ADA2: variants seen among roughly 807,000 people sequenced by gnomAD.
The protein encoded by ADA2 is adenosine deaminase 2, also known as adenosine deaminase CECR1.
In ADA2, 29 loss-of-function variants were observed where a neutral mutation model predicts 44.2. The ratio of observed to expected loss-of-function variants is 0.66; its 90% CI spans 0.49 to 0.89. The LOEUF is 0.89. ADA2 is among the 40% of genes least tolerant of loss of function. ADA2 has a pLI of 0.00. For synonymous variants in ADA2, 215 were observed against 234.9 expected, an observed-to-expected ratio of 0.92 and a Z score of 0.77; for missense variants, 637 against 644.8, an observed-to-expected ratio of 0.99 and a Z score of 0.13.
intron 8 of ADA2, 84 bp from the exon 9 acceptor site, chr22:17,182,106 T>A (rs2061977855): frequency 9.7e-7 from 1 of 1,028,280 alleles, no homozygotes; most frequent in South Asian, 1.5e-5. Flanking sequence ...TTGAGCCCCA[T>A]CAGCTCCCTT....
At chr22:17,217,285 A>G (rs1447579791) in intron 1 of ADA2, among the ~76,000 whole-genome samples, 1 of 152,218 alleles carries the variant, frequency 6.6e-6, no homozygotes, top group Non-Finnish European at 1.5e-5. Flanking sequence ...GGAATACAAG[A>G]AATTGCCCCA....
At chr22:17,193,754 A>G (rs1170780971) in intron 4 of ADA2, among the ~76,000 whole-genome samples, 1 of 151,600 alleles carries the variant, frequency 6.6e-6, no homozygotes, top group Non-Finnish European at 1.5e-5. Context: ...TAATATGGAG[A>G]TGTCGATTAC....
chr22:17,216,518 G>C (rs2062473455), intron 1 of ADA2, among the ~76,000 whole-genome samples: 2 of 152,086 alleles, frequency 1.3e-5, no homozygotes, highest in African/African-American at 4.8e-5. Flanking sequence ...TGTAATCCCA[G>C]CACTTAGGGA....
intron 4 of ADA2, among the ~76,000 whole-genome samples, chr22:17,200,233 G>A (rs1436191634): frequency 6.6e-6 from 1 of 152,128 alleles, no homozygotes; most frequent in Non-Finnish European, 1.5e-5. Flanking sequence ...GCTCTGGGAA[G>A]TGCAGTTTCT....
At chr22:17,216,577 C>T (rs769602004) in intron 1 of ADA2, among the ~76,000 whole-genome samples, 3 of 151,922 alleles carry the variant, frequency 2.0e-5, no homozygotes, top group Non-Finnish European at 4.4e-5. Context: ...CCAGCCTGGC[C>T]AACATGGCAA....
At chr22:17,199,442 C>CCCCTCCCTCCCCTCCTCAATCCTCTTA in intron 4 of ADA2, 1 of 1,022,720 alleles carries the variant, frequency 9.8e-7, no homozygotes, top group Non-Finnish European at 1.5e-6. Flanking sequence ...CTATCCTCTT[C>CCCCTCCCTCCCCTCCTCAATCCTCTTA]CCCTCCACCC....
At position 17,195,784 on chromosome 22, in the gene ADA2, G is replaced by A. The variant is rs753294986; in HGVS notation, c.754-3974C>T. On this transcript the variant is annotated intron_variant, in intron 4 of 9. Transcript: ENST00000399837. Reference sequence around the variant, plus strand: ...TCCTTTTTTTTTTTTTTTTTGAGACGGAGTCTCGCTCTGTCACCCAGGCTG... The same window carrying A: ...TCCTTTTTTTTTTTTTTTTTGAGACAGAGTCTCGCTCTGTCACCCAGGCTG... 5.6e-5 allele frequency among the ~76,000 whole-genome samples: 8 copies of A among 141,868 alleles called. No homozygotes were observed. In the South Asian group the frequency reaches 1.1e-3, roughly 20 times the overall value. 93.1% of individuals were successfully genotyped at this position (141,868 alleles called of 152,430 possible).
At position 17,181,862 on chromosome 22, in the gene ADA2, G is replaced by C; in HGVS notation, c.1400C>G (p.Ala467Gly). ...EVFMGIGGMK[A>G]DLRTLKQLAM... is the part of the protein sequence containing the mutation. ...CAGCTGTTTGAGGGTCCTCAGGTCA[G>C]CCTTCATCCCCCCAATGCCCATGAA... The change falls in exon 9 of 10, where the codon GCT becomes GGT. Residue 467 changes from alanine (A) to glycine (G), a missense_variant. Coordinates refer to ENST00000399837, the MANE Select transcript of ADA2 (RefSeq NM_001282225.2). 6.2e-7 allele frequency: 1 copy of C among 1,614,078 alleles called. No homozygotes were observed. Among genetic ancestry groups the C allele is most frequent in the Non-Finnish European group, 8.5e-7 (1 of 1,180,010 alleles).
At chr22:17,211,088 G>T (rs1390570693) in intron 1 of ADA2, among the ~76,000 whole-genome samples, 3 of 151,920 alleles carry the variant, frequency 2.0e-5, no homozygotes, top group Admixed American at 1.3e-4. Flanking sequence ...ACGGCTGGGC[G>T]CGGTGGCTCA....
chr22:17,199,438 T>TCTTCCCCACCCTCCCCTCCTCTAACCA, intron 4 of ADA2: 1 of 995,472 alleles, frequency 1.0e-6, no homozygotes, highest in South Asian at 1.3e-5. Flanking sequence ...TCCTCTATCC[T>TCTTCCCCACCCTCCCCTCCTCTAACCA]CTTCCCCTCC....
At chr22:17,182,390 C>T (rs1434203372) in intron 8 of ADA2, among the ~76,000 whole-genome samples, 2 of 152,166 alleles carry the variant, frequency 1.3e-5, no homozygotes, top group South Asian at 4.1e-4. Flanking sequence ...CCCAAAATTC[C>T]ACCCCACTGG....
chr22:17,195,195 C>T (rs2062174247), intron 4 of ADA2, among the ~76,000 whole-genome samples: 1 of 152,164 alleles, frequency 6.6e-6, no homozygotes, highest in African/African-American at 2.4e-5. Context: ...CACGTCTTTT[C>T]AAGGAAGGCC....
At chr22:17,182,273 G>A (rs1193014032) in intron 8 of ADA2, among the ~76,000 whole-genome samples, 1 of 152,056 alleles carries the variant, frequency 6.6e-6, no homozygotes, top group African/African-American at 2.4e-5. Flanking sequence ...AGCGCTAACT[G>A]AACACAGACA....
chr22:17,187,924 G>GA (rs1044857176), intron 7 of ADA2, among the ~76,000 whole-genome samples: 3 of 151,852 alleles, frequency 2.0e-5, no homozygotes, highest in African/African-American at 7.3e-5. Context: ...CTAACACGGT[G>GA]AAACCCCGTC....
intron 4 of ADA2, among the ~76,000 whole-genome samples, chr22:17,194,159 A>G (rs1214098019): frequency 6.6e-6 from 1 of 152,148 alleles, no homozygotes; most frequent in Non-Finnish European, 1.5e-5. Flanking sequence ...CTCCACACAG[A>G]GTCAAGAGCT....
chr22:17,186,962 C>T (rs539817662), intron 7 of ADA2, among the ~76,000 whole-genome samples: 2 of 151,746 alleles, frequency 1.3e-5, no homozygotes, highest in Non-Finnish European at 2.9e-5. Flanking sequence ...GTCAGGCGAT[C>T]GAGACCATCC....
At chr22:17,213,500 G>A (rs193060172) in intron 1 of ADA2, 56 of 240,254 alleles carry the variant, frequency 2.3e-4, no homozygotes, top group African/African-American at 1.2e-3. Flanking sequence ...CCGAAGCACC[G>A]GGGAGTGTCG....
At chr22:17,203,823 G>A (rs1374160076) in intron 3 of ADA2, 50 bp from the exon 4 acceptor site, 2 of 1,279,800 alleles carry the variant, frequency 1.6e-6, no homozygotes, top group South Asian at 2.5e-5. Flanking sequence ...CCAGGACACT[G>A]CCCCCGGGCG....
chr22:17,211,676 T>C (rs900107712), intron 1 of ADA2, among the ~76,000 whole-genome samples: 1 of 152,014 alleles, frequency 6.6e-6, no homozygotes, highest in African/African-American at 2.4e-5. Context: ...ACCCCTGTAA[T>C]CCCAGCACTT....
Sources: gnomAD v4.1 joint callset for allele counts (sites outside exome capture counted in the v4.1 genomes callset) on GRCh38, gnomAD v4.1.1 for gene constraint, MANE v1.5 for transcripts, NCBI Gene and HGNC (gene_info 2026-07-23, HGNC 2026-07-21) for gene names.